RBFOX1: variants seen among roughly 807,000 people sequenced by gnomAD.
RBFOX1 encodes the protein RNA binding protein fox-1 homolog 1.
Under a neutral mutation model 57.7 loss-of-function variants are expected in RBFOX1, and 8 were observed. That is an observed-to-expected ratio of 0.14 (90% confidence interval 0.08 to 0.25). The LOEUF (loss-of-function observed/expected upper bound fraction) is 0.25. Ranked by LOEUF, RBFOX1 falls within the 10% of genes least tolerant of loss-of-function variation. The pLI is 1.00. For synonymous variants in RBFOX1, 326 were observed against 222.4 expected, an observed-to-expected ratio of 1.47 and a Z score of -4.15; for missense variants, 611 against 548.5, an observed-to-expected ratio of 1.11 and a Z score of -1.14.
chr16:6,581,330 C>G (rs575664582), intron 2 of RBFOX1, among the ~76,000 whole-genome samples: 1 of 152,184 alleles, frequency 6.6e-6, no homozygotes, highest in Admixed American at 6.5e-5. Flanking sequence ...ATGAACCCAG[C>G]ACCCTTGCCT....
chr16:5,570,366 G>A (rs924555047), intron 2 of RBFOX1, among the ~76,000 whole-genome samples: 5 of 152,136 alleles, frequency 3.3e-5, no homozygotes, highest in Non-Finnish European at 5.9e-5. Context: ...AAGGGTTGTT[G>A]TGAGGTTTGA....
chr16:6,770,271 T>A (rs936690392), intron 3 of RBFOX1, among the ~76,000 whole-genome samples: 3 of 152,180 alleles, frequency 2.0e-5, no homozygotes, highest in Non-Finnish European at 4.4e-5. Flanking sequence ...GGCTCCTCAT[T>A]TTACTTAAAC....
At chr16:7,079,121 AG>A (rs1039353987) in intron 4 of RBFOX1, among the ~76,000 whole-genome samples, 4 of 152,064 alleles carry the variant, frequency 2.6e-5, no homozygotes, top group South Asian at 2.1e-4. Context: ...ATTCTCAATC[AG>A]CAGGAGCCAT....
At chr16:6,796,902 C>G (rs559639778) in intron 3 of RBFOX1, among the ~76,000 whole-genome samples, 1 of 152,194 alleles carries the variant, frequency 6.6e-6, no homozygotes, top group African/African-American at 2.4e-5. Flanking sequence ...GTACCTATGT[C>G]TCCACCCCCT....
At chr16:5,744,149 T>C (rs2052883626) in intron 3 of RBFOX1, among the ~76,000 whole-genome samples, 10 of 152,092 alleles carry the variant, frequency 6.6e-5, no homozygotes, top group Admixed American at 5.9e-4. Context: ...TTGTCTTTGC[T>C]TGTGCTATGT....
At chr16:7,112,679 G>GGTGTGT (rs1555484873) in intron 4 of RBFOX1, among the ~76,000 whole-genome samples, 1 of 142,004 alleles carries the variant, frequency 7.0e-6, no homozygotes, top group Non-Finnish European at 1.5e-5. Flanking sequence ...TGTGTGTGTG[G>GGTGTGT]GTGTGGGTGT....
chr16:5,416,886 C>T (rs1361902234), intron 1 of RBFOX1, among the ~76,000 whole-genome samples: 1 of 152,168 alleles, frequency 6.6e-6, no homozygotes, highest in Non-Finnish European at 1.5e-5. Context: ...CCAGCCCATC[C>T]TGCCTATCTG....
chr16:6,861,328 A>G (rs150558823), intron 3 of RBFOX1, among the ~76,000 whole-genome samples: 1 of 152,086 alleles, frequency 6.6e-6, no homozygotes, highest in African/African-American at 2.4e-5. Flanking sequence ...TCTTGGTAAG[A>G]TTGTTAAGGG....
At chr16:5,986,768 A>C (rs993761519) in intron 4 of RBFOX1, among the ~76,000 whole-genome samples, 1 of 152,154 alleles carries the variant, frequency 6.6e-6, no homozygotes, top group Non-Finnish European at 1.5e-5. Flanking sequence ...ACACAGTTGC[A>C]CTGTTCACTT....
At chr16:5,251,568 C>G (rs1338153906) in intron 1 of RBFOX1, among the ~76,000 whole-genome samples, 1 of 152,200 alleles carries the variant, frequency 6.6e-6, no homozygotes, top group African/African-American at 2.4e-5. Flanking sequence ...AGAAGTGGGG[C>G]TTCTCAGACA....
At chr16:5,705,526 T>G (rs1332046506) in intron 3 of RBFOX1, among the ~76,000 whole-genome samples, 1 of 152,190 alleles carries the variant, frequency 6.6e-6, no homozygotes, top group East Asian at 1.9e-4. Flanking sequence ...TTTAAACACC[T>G]CTGTAATCAC....
At chr16:6,486,082 C>CT (rs71145234) in intron 2 of RBFOX1, among the ~76,000 whole-genome samples, 3,679 of 62,918 alleles carry the variant, frequency 0.058, 185 homozygotes, top group African/African-American at 0.1. Context: ...CAGTAAAAGG[C>CT]TTTTTTTTTT....
At chr16:6,901,567 G>C (rs1294545725) in intron 3 of RBFOX1, among the ~76,000 whole-genome samples, 3 of 152,154 alleles carry the variant, frequency 2.0e-5, no homozygotes, top group African/African-American at 7.2e-5. Flanking sequence ...GTAGTGGAAT[G>C]TTCAACTCCT....
chr16:5,437,246 A>T (rs2067945474), intron 1 of RBFOX1, among the ~76,000 whole-genome samples: 1 of 152,250 alleles, frequency 6.6e-6, no homozygotes, highest in African/African-American at 2.4e-5. Flanking sequence ...GAATTGTGGC[A>T]GGAAATCTTC....
chr16:6,081,291 A>G (rs1307846203), intron 1 of RBFOX1, among the ~76,000 whole-genome samples: 1 of 152,170 alleles, frequency 6.6e-6, no homozygotes, highest in Non-Finnish European at 1.5e-5. Context: ...CTCTCATTGG[A>G]CAAGGTTCCC....
intron 2 of RBFOX1, among the ~76,000 whole-genome samples, chr16:6,633,269 G>C (rs2098404739): frequency 6.6e-6 from 1 of 151,950 alleles, no homozygotes; most frequent in African/African-American, 2.4e-5. Flanking sequence ...GTGTTCTTGA[G>C]TCTTTATTTT....
intron 4 of RBFOX1, among the ~76,000 whole-genome samples, chr16:7,062,324 AAAAAAAAAAAAAAAG>A (rs1185655175): frequency 6.8e-6 from 1 of 148,146 alleles, no homozygotes; most frequent in African/African-American, 2.6e-5. Context: ...TCTCAAAAAA[AAAAAAAAAAAAAAAG>A]AAAAGAAAAA....
intron 3 of RBFOX1, among the ~76,000 whole-genome samples, chr16:5,827,248 A>C (rs976565397): frequency 4.0e-5 from 6 of 151,862 alleles, no homozygotes; most frequent in Non-Finnish European, 8.8e-5. Context: ...AAAATTACAA[A>C]AATTAGCCGG....
chr16:7,340,024 G>C (rs907549872), intron 4 of RBFOX1, among the ~76,000 whole-genome samples: 1 of 152,140 alleles, frequency 6.6e-6, no homozygotes. Context: ...ATTCCAGCAA[G>C]AATTCCAGAT....
Sources: allele counts gnomAD v4.1 joint callset (sites outside exome capture counted in the v4.1 genomes callset), GRCh38; gene constraint gnomAD v4.1.1; transcripts MANE v1.5; gene names NCBI Gene and HGNC (gene_info 2026-07-23, HGNC 2026-07-21).